Variants in PTPN1 observed in about 807,000 individuals in gnomAD.
PTPN1 encodes tyrosine-protein phosphatase non-receptor type 1.
In PTPN1, 12 loss-of-function variants were observed where a neutral mutation model predicts 59.9. The ratio of observed to expected loss-of-function variants is 0.20; its 90% CI spans 0.13 to 0.32. The LOEUF (loss-of-function observed/expected upper bound fraction) is 0.32. PTPN1 is among the 10% of genes least tolerant of loss of function. The probability of loss-of-function intolerance (pLI) is 1.00; values close to 1 mark genes in which losing one functional copy is unlikely to be tolerated. For synonymous variants in PTPN1, 178 were observed against 203.6 expected (o/e 0.87, Z 1.07); for missense variants, 356 against 549.2 (o/e 0.65, Z 3.52).
Position 50,523,105 on chromosome 20 carries a change from G to T in PTPN1, c.63+12515G>T, listed in dbSNP as rs145988421. On this transcript the variant is annotated intron_variant, in intron 1 of 9. Transcript: ENST00000371621. ...TTAGTCTCTATGCCTTACCGTCTCA[G>T]ATCAGGAGGATTTGGTGATTTATCG... 5.3e-4 allele frequency among the ~76,000 whole-genome samples: 80 copies of T among 152,122 alleles called. No homozygotes were observed. The East Asian group carries it at 0.014, about 27-fold the overall frequency.
rs565327161 is a variant in PTPN1, at chr20:50,584,528, A to G, written c.*1813A>G. ...CAGGTCATTATTTTTTACAATGGCC[A>G]TGGAATAAACCATTTTTACAAAAAT... On this transcript the variant is annotated 3_prime_UTR_variant, in exon 10 of 10. Coordinates refer to ENST00000371621, the MANE Select transcript of PTPN1 (RefSeq NM_002827.4). The G allele has an allele frequency of 5.3e-5, 8 of 152,000 alleles. No individual in the cohort carries two copies. The highest frequency in any genetic ancestry group is 7.3e-5 in the African/African-American group (3 of 41,324). The allele number at this position is 152,000 out of a possible 1,614,324, so 9.4% of individuals were successfully genotyped here.
intron 5 of PTPN1, chr20:50,577,528 G>C (rs945493077): frequency 6.6e-6 from 1 of 152,242 alleles, no homozygotes; most frequent in Non-Finnish European, 1.5e-5. Context: ...GGAGCTCTTA[G>C]GTCATTGAAG....
chr20:50,529,968 A>G (rs1286828941), intron 1 of PTPN1, among the ~76,000 whole-genome samples: 3 of 151,890 alleles, frequency 2.0e-5, no homozygotes, highest in Non-Finnish European at 2.9e-5. Flanking sequence ...TCCGCCTCCC[A>G]GGTTCAAGCG....
In PTPN1 at chr20:50,533,870, T is replaced by TC. The variant is rs1426538316; in HGVS notation, c.63+23281dup. Among the ~76,000 whole-genome samples the TC allele has an allele frequency of 6.6e-5, 10 of 152,272 alleles. No individual in the cohort carries two copies. The East Asian group carries it at 1.9e-3, about 29-fold the overall frequency. ...GATGGAAGCTTCCGTGATTTTTTTT[T>TC]CTCCTTAATAGTTATGAGCACAGAA... is the stretch of plus-strand genomic sequence containing the variant. On this transcript the variant is annotated intron_variant, in intron 1 of 9. Transcript: ENST00000371621.
At chr20:50,578,819 C>T (rs1037264903) in intron 6 of PTPN1, among the ~76,000 whole-genome samples, 190 bp downstream of exon 6, 2 of 152,216 alleles carry the variant, frequency 1.3e-5, no homozygotes, top group Non-Finnish European at 2.9e-5. Context: ...TTAACTGGCT[C>T]CCGGTTCTGC....
intron 4 of PTPN1, chr20:50,572,263 C>T (rs1197779011): frequency 2.0e-5 from 3 of 152,170 alleles, no homozygotes; most frequent in Non-Finnish European, 2.9e-5. Context: ...TAATAAAAAT[C>T]CATCTACTTT....
At chr20:50,563,341 C>T (rs1439975383) in intron 2 of PTPN1, among the ~76,000 whole-genome samples, 3 of 152,162 alleles carry the variant, frequency 2.0e-5, no homozygotes, top group African/African-American at 7.2e-5. Context: ...GTGATGACAG[C>T]AGTCCACAGT....
At chr20:50,513,279 G>A (rs1219941614) in intron 1 of PTPN1, among the ~76,000 whole-genome samples, 1 of 152,148 alleles carries the variant, frequency 6.6e-6, no homozygotes, top group Non-Finnish European at 1.5e-5. Context: ...TTTAAACATT[G>A]TTTTCTAGCA....
At position 50,575,195 on chromosome 20, in the gene PTPN1, C is replaced by T. The variant is rs1053503066; in HGVS notation, c.492+541C>T. ...TGGCAAGCAGCACTGCCGCTGAACG[C>T]GCTGCTCCTGGGGCTTTGGAATAAT... On this transcript the variant is annotated intron_variant, in intron 5 of 9. Coordinates refer to ENST00000371621, the MANE Select transcript of PTPN1 (RefSeq NM_002827.4). Among the ~76,000 whole-genome samples, 7 of 152,200 alleles carry T rather than the reference C, an allele frequency of 4.6e-5. No homozygotes were observed. The East Asian group carries it at 5.8e-4, about 13-fold the overall frequency.
At chr20:50,510,720 G>T (rs188623965) in intron 1 of PTPN1, 130 bp downstream of exon 1, 1 of 996,072 alleles carries the variant, frequency 1.0e-6, no homozygotes, top group African/African-American at 1.7e-5. Flanking sequence ...GGATTCGATG[G>T]GACAGCGACG....
At chr20:50,580,963 G>C (rs900993741) in intron 8 of PTPN1, among the ~76,000 whole-genome samples, 2 of 152,190 alleles carry the variant, frequency 1.3e-5, no homozygotes, top group African/African-American at 2.4e-5. Context: ...ACACCAGTGA[G>C]TCCTCCAGCC....
At chr20:50,578,143 C>G in intron 5 of PTPN1, 1 of 399,236 alleles carries the variant, frequency 2.5e-6, no homozygotes, top group South Asian at 2.5e-5. Flanking sequence ...ACCATGTAGA[C>G]AGTGGAAGTG....
intron 4 of PTPN1, among the ~76,000 whole-genome samples, chr20:50,569,112 T>C (rs2038526): frequency 0.63 from 96,464 of 151,988 alleles, 30,528 homozygotes; most frequent in Middle Eastern, 0.79. Flanking sequence ...CTTCTTGACT[T>C]ACCATAGTTC....
chr20:50,520,181 G>A (rs1455894346), intron 1 of PTPN1, among the ~76,000 whole-genome samples: 1 of 152,072 alleles, frequency 6.6e-6, no homozygotes. Flanking sequence ...GGACCAGCCT[G>A]ACCAACATGG....
At chr20:50,514,548 T>G (rs970365078) in intron 1 of PTPN1, among the ~76,000 whole-genome samples, 6 of 152,180 alleles carry the variant, frequency 3.9e-5, no homozygotes, top group Non-Finnish European at 8.8e-5. Flanking sequence ...TTCTTTTAAA[T>G]AGAAATGGGG....
rs1288422534 is a variant in PTPN1 at position 50,584,905 on chromosome 20, C to T, written c.*2190C>T. The stretch of plus-strand genomic sequence containing the variant: ...GTTTTCCACTTCTAAGAATTAACCT[C>T]AGCATCCCTGCATTGCCAGCACCCT... On this transcript the variant is annotated 3_prime_UTR_variant, in exon 10 of 10. Transcript: ENST00000371621. The T allele has an allele frequency of 1.3e-5, 2 of 152,200 alleles. No homozygotes were observed. Among genetic ancestry groups the T allele is most frequent in the East Asian group, 3.8e-4 (2 of 5,198 alleles). The allele number at this position is 152,200 out of a possible 1,614,324, so 9.4% of individuals were successfully genotyped here.
At chr20:50,512,392 T>C (rs2082511260) in intron 1 of PTPN1, among the ~76,000 whole-genome samples, 2 of 152,238 alleles carry the variant, frequency 1.3e-5, no homozygotes, top group South Asian at 4.1e-4. Context: ...TTAGTTGAAT[T>C]TTATTTCTTA....
intron 1 of PTPN1, among the ~76,000 whole-genome samples, chr20:50,515,216 T>C (rs1237786842): frequency 1.3e-5 from 2 of 152,238 alleles, no homozygotes; most frequent in Non-Finnish European, 2.9e-5. Context: ...GTGGCTTCCA[T>C]TCTAGCCAGA....
In PTPN1 at chr20:50,584,991, C is replaced by G. The variant is rs1343548951; in HGVS notation, c.*2276C>G. On this transcript the variant is annotated 3_prime_UTR_variant, in exon 10 of 10. Coordinates refer to ENST00000371621, the MANE Select transcript of PTPN1 (RefSeq NM_002827.4). The stretch of plus-strand genomic sequence containing the variant: ...GAACACCTTAGGCCTCAGCCCATTT[C>G]CTTCCCAAATTGACGCTTTGCCTGT... 2.6e-5 allele frequency: 4 copies of G among 152,196 alleles called. No individual in the cohort carries two copies. The highest frequency in any genetic ancestry group is 2.6e-4 in the Admixed American group (4 of 15,286). The allele number at this position is 152,196 out of a possible 1,614,324, so 9.4% of individuals were successfully genotyped here. A position where few individuals can be genotyped will look rare whatever the true frequency, so the allele number is the denominator to read the frequency against.
Sources: allele counts gnomAD v4.1 joint callset (sites outside exome capture counted in the v4.1 genomes callset), GRCh38; gene constraint gnomAD v4.1.1; transcripts MANE v1.5; gene names NCBI Gene and HGNC (gene_info 2026-07-23, HGNC 2026-07-21).